Variants in FRMPD4 observed in about 807,000 individuals in gnomAD.
FRMPD4 encodes FERM and PDZ domain containing 4, also known as FERM and PDZ domain-containing protein 4.
A neutral mutation model predicts 94.1 loss-of-function variants in FRMPD4; 22 were observed. The observed-to-expected ratio is 0.23, with a 90% CI of 0.17 to 0.33. The LOEUF is 0.33. Among genes scored for constraint, FRMPD4 ranks in the 10% least tolerant of loss-of-function variants. The pLI, the probability that FRMPD4 is intolerant of heterozygous loss-of-function variation, is 1.00. For missense variants in FRMPD4, 1,111 were observed against 1,339.9 expected, an observed-to-expected ratio of 0.83 and a Z score of 2.67; for synonymous variants, 631 against 548.6, an observed-to-expected ratio of 1.15 and a Z score of -2.10.
At chrX:11,827,440 A>T (rs2053450574) in intron 1 of FRMPD4, among the ~76,000 whole-genome samples, 1 of 110,954 alleles carries the variant, frequency 9.0e-6, no homozygotes, top group African/African-American at 3.3e-5. Context: ...GTAGTTGGGG[A>T]CATGGGACTG....
At chrX:12,424,702 C>T (rs142419026) in intron 1 of FRMPD4, among the ~76,000 whole-genome samples, 27 of 112,663 alleles carry the variant, frequency 2.4e-4, no homozygotes, top group African/African-American at 8.0e-4. Flanking sequence ...AACCACTGAC[C>T]GTGTATCTCC....
intron 1 of FRMPD4, among the ~76,000 whole-genome samples, chrX:12,214,449 A>G (rs1057165003): frequency 1.8e-5 from 2 of 112,448 alleles, no homozygotes; most frequent in African/African-American, 6.5e-5. Flanking sequence ...ACCCTGTTGT[A>G]GATCATCTTA....
chrX:12,452,332 C>T (rs1293456347), intron 1 of FRMPD4, among the ~76,000 whole-genome samples: 1 of 112,154 alleles, frequency 8.9e-6, no homozygotes, highest in African/African-American at 3.2e-5. Context: ...CTTTGTCATA[C>T]ATTATATCAT....
chrX:12,498,813 G>C lies in FRMPD4; in HGVS notation c.158+17G>C. On this transcript the variant is annotated intron_variant, in intron 2 of 16. Transcript: ENST00000675598. ...CTTCATCAAGTAGGTTAAACAGATG[G>C]CATGAACAATAGAATCCTTGGCCAA... The C allele has an allele frequency of 1.0e-5, 9 of 866,463 alleles. No individual in the cohort carries two copies. Among genetic ancestry groups the C allele is most frequent in the Non-Finnish European group, 1.5e-5 (9 of 594,644 alleles). The allele number at this position is 866,463 out of a possible 1,213,427, so 71.4% of individuals were successfully genotyped here. A position where few individuals can be genotyped will look rare whatever the true frequency, so the allele number is the denominator to read the frequency against.
At chrX:12,424,502 A>T (rs1377313286) in intron 1 of FRMPD4, among the ~76,000 whole-genome samples, 1 of 112,744 alleles carries the variant, frequency 8.9e-6, no homozygotes, top group African/African-American at 3.2e-5. Flanking sequence ...AAATCTCTAG[A>T]GCAGTGCTTA....
At chrX:12,480,473 A>T (rs747993608) in intron 1 of FRMPD4, among the ~76,000 whole-genome samples, 60 of 111,160 alleles carry the variant, frequency 5.4e-4, no homozygotes, top group Non-Finnish European at 3.0e-4. Context: ...AGTAATTATG[A>T]ATTTCTGAGC....
intron 2 of FRMPD4, among the ~76,000 whole-genome samples, chrX:12,564,845 GA>G (rs2058696418): frequency 9.0e-6 from 1 of 110,718 alleles, no homozygotes; most frequent in African/African-American, 3.3e-5. Context: ...GAGAGAGAGA[GA>G]GAGAGAGAGA....
At chrX:12,211,394 T>A (rs1452769250) in intron 1 of FRMPD4, among the ~76,000 whole-genome samples, 2 of 112,262 alleles carry the variant, frequency 1.8e-5, no homozygotes, top group Non-Finnish European at 3.8e-5. Context: ...AATGAGCTGT[T>A]TGATGTCTGA....
At chrX:12,244,811 T>A (rs1021563522) in intron 1 of FRMPD4, among the ~76,000 whole-genome samples, 3 of 111,650 alleles carry the variant, frequency 2.7e-5, no homozygotes, top group Non-Finnish European at 5.6e-5. Context: ...AGTGGGTCTG[T>A]TTGCAGAGGC....
intron 1 of FRMPD4, among the ~76,000 whole-genome samples, chrX:12,309,423 C>G (rs1252396477): frequency 8.9e-6 from 1 of 112,362 alleles, no homozygotes; most frequent in Admixed American, 9.4e-5. Flanking sequence ...CACCAAATTA[C>G]TTAAAAATCT....
At chrX:12,013,182 A>G (rs1396847374) in intron 3 of FRMPD4, among the ~76,000 whole-genome samples, 1 of 111,962 alleles carries the variant, frequency 8.9e-6, no homozygotes, top group Non-Finnish European at 1.9e-5. Flanking sequence ...CTACTTCTTT[A>G]CAATCACAAG....
At chrX:12,547,673 CA>C in intron 2 of FRMPD4, among the ~76,000 whole-genome samples, 1 of 111,608 alleles carries the variant, frequency 9.0e-6, no homozygotes, top group Non-Finnish European at 1.9e-5. Flanking sequence ...AATGCTTAAA[CA>C]AAAAATACTT....
At chrX:11,837,692 A>G (rs1229786181) in intron 1 of FRMPD4, among the ~76,000 whole-genome samples, 4 of 111,386 alleles carry the variant, frequency 3.6e-5, no homozygotes, top group Non-Finnish European at 7.6e-5. Context: ...TACAATGAGA[A>G]TGGAGTTCGT....
At chrX:12,446,680 A>C (rs746422844) in intron 1 of FRMPD4, among the ~76,000 whole-genome samples, 14 of 111,918 alleles carry the variant, frequency 1.3e-4, no homozygotes, top group Non-Finnish European at 2.6e-4. Flanking sequence ...GTCTGCCACC[A>C]TGTAAGATGT....
chrX:11,992,475 G>C (rs191230960), intron 3 of FRMPD4, among the ~76,000 whole-genome samples: 1 of 111,485 alleles, frequency 9.0e-6, no homozygotes. Flanking sequence ...AGAGTCCCCA[G>C]GGTGAGATGC....
intron 13 of FRMPD4, among the ~76,000 whole-genome samples, chrX:12,707,856 C>T (rs1315284228): frequency 8.9e-6 from 1 of 112,331 alleles, no homozygotes; most frequent in Non-Finnish European, 1.9e-5. Flanking sequence ...CGCTATAATT[C>T]TCTGCGCTCA....
At chrX:12,719,427 T>C (rs952418590) in intron 16 of FRMPD4, among the ~76,000 whole-genome samples, 1 of 112,415 alleles carries the variant, frequency 8.9e-6, no homozygotes, top group East Asian at 2.8e-4. Flanking sequence ...CCACCTTCTG[T>C]ATCCCACCTT....
chrX:12,600,893 G>A (rs1055952808), intron 2 of FRMPD4, among the ~76,000 whole-genome samples: 2 of 111,877 alleles, frequency 1.8e-5, no homozygotes, highest in Admixed American at 9.5e-5. Flanking sequence ...TGTTTAGAGT[G>A]TTCTTTTATA....
chrX:12,683,027 T>G (rs1186410534), intron 5 of FRMPD4, among the ~76,000 whole-genome samples: 1 of 111,711 alleles, frequency 9.0e-6, no homozygotes, highest in Non-Finnish European at 1.9e-5. Flanking sequence ...CCATATGCCC[T>G]TAATGTGAAT....
Sources: allele counts gnomAD v4.1 joint callset (sites outside exome capture counted in the v4.1 genomes callset), GRCh38; gene constraint gnomAD v4.1.1; transcripts MANE v1.5; gene names NCBI Gene and HGNC (gene_info 2026-07-23, HGNC 2026-07-21).